Variants in MEP1A observed in about 807,000 individuals in gnomAD.
MEP1A encodes the protein meprin A subunit alpha, also known as N-benzoyl-L-tyrosyl-P-amino-benzoic acid hydrolase subunit alpha.
In MEP1A, 68 loss-of-function variants were observed where a neutral mutation model predicts 84.5. That is an observed-to-expected ratio of 0.80 (90% CI 0.66 to 0.98). The LOEUF (loss-of-function observed/expected upper bound fraction) is 0.98, where lower values mean the gene tolerates loss of function less well. Among genes scored for constraint, MEP1A ranks in the 50% least tolerant of loss-of-function variants. The probability of loss-of-function intolerance (pLI) is 0.00; values close to 1 mark genes in which losing one functional copy is unlikely to be tolerated. For synonymous variants in MEP1A, 337 were observed against 336.8 expected (o/e 1.00, Z -0.01); for missense variants, 887 against 919.9 (o/e 0.96, Z 0.46).
intron 3 of MEP1A, among the ~76,000 whole-genome samples, chr6:46,796,124 C>T (rs115446068): frequency 0.028 from 4,268 of 152,256 alleles, 143 homozygotes; most frequent in African/African-American, 0.072. Flanking sequence ...CCAGCAGCAT[C>T]GGCATCACCA....
chr6:46,801,476 T>C (rs1562104137), intron 5 of MEP1A, among the ~76,000 whole-genome samples: 1 of 152,126 alleles, frequency 6.6e-6, no homozygotes, highest in Non-Finnish European at 1.5e-5. Flanking sequence ...TGTTTGTCTT[T>C]TTATTATTTG....
chr6:46,794,126 G>T (rs1311102133), intron 3 of MEP1A, among the ~76,000 whole-genome samples: 1 of 152,074 alleles, frequency 6.6e-6, no homozygotes, highest in Admixed American at 6.5e-5. Flanking sequence ...ACAACTCCTC[G>T]GTTGAGACTT....
chr6:46,794,281 A>G (rs1423540181), intron 3 of MEP1A, among the ~76,000 whole-genome samples: 1 of 152,360 alleles, frequency 6.6e-6, no homozygotes, highest in East Asian at 1.9e-4. Flanking sequence ...TGCTTCTGAA[A>G]TGAGAGAGAA....
At chr6:46,819,882 G>C (rs1360837332) in intron 7 of MEP1A, among the ~76,000 whole-genome samples, 178 bp downstream of exon 7, 1 of 152,138 alleles carries the variant, frequency 6.6e-6, no homozygotes, top group South Asian at 2.1e-4. Flanking sequence ...GGAATTCATC[G>C]CAGATAAGGG....
chr6:46,828,563 T>G (rs1003089599), intron 9 of MEP1A, among the ~76,000 whole-genome samples: 2 of 152,170 alleles, frequency 1.3e-5, no homozygotes, highest in African/African-American at 2.4e-5. Flanking sequence ...TGGAGTTGAG[T>G]GTTGGAACAC....
At chr6:46,825,724 A>G (rs943216816) in intron 8 of MEP1A, among the ~76,000 whole-genome samples, 3 of 152,200 alleles carry the variant, frequency 2.0e-5, no homozygotes, top group African/African-American at 7.2e-5. Context: ...ACAAAAAACA[A>G]ACAAAACTAT....
intron 6 of MEP1A, among the ~76,000 whole-genome samples, chr6:46,816,838 A>G (rs1378391927): frequency 6.6e-6 from 1 of 152,118 alleles, no homozygotes; most frequent in Non-Finnish European, 1.5e-5. Context: ...GGCAACCTGT[A>G]TGACTCAGCA....
chr6:46,826,226 A>G (rs772873004), intron 8 of MEP1A, 128 bp from the exon 9 acceptor site: 23 of 822,448 alleles, frequency 2.8e-5, no homozygotes, highest in Non-Finnish European at 4.1e-5. Context: ...TGCATTTGAG[A>G]AAAAGTCAAG....
At position 46,799,146 on chromosome 6, in the gene MEP1A, C is replaced by A. The variant is rs138172966; in HGVS notation, c.227C>A (p.Thr76Lys). ...NGLRDPNTRW[T>K]FPIPYILADN... ...CTGAGAGACCCAAACACCAGGTGGA[C>A]GTTCCCCATTCCTTACATCTTGGCT... Residue 76 changes from threonine to lysine, a missense_variant, in exon 5 of 14, where the codon ACG becomes AAG. Thr to Lys is a moderately conservative substitution (Grantham distance 78, BLOSUM62 -1). Coordinates refer to ENST00000230588, the MANE Select transcript of MEP1A (RefSeq NM_005588.3). The A allele has an allele frequency of 1.5e-4, 250 of 1,612,938 alleles. 2 individuals carry two copies. In the African/African-American group the frequency reaches 2.5e-3, roughly 16 times the overall value.
intron 3 of MEP1A, among the ~76,000 whole-genome samples, chr6:46,796,656 C>G (rs1453540345): frequency 6.6e-6 from 1 of 152,128 alleles, no homozygotes; most frequent in Non-Finnish European, 1.5e-5. Flanking sequence ...ACTACATGAA[C>G]AAATTGGGTA....
intron 3 of MEP1A, 106 bp from the exon 4 acceptor site, chr6:46,798,500 T>C: frequency 1.0e-6 from 1 of 974,774 alleles, no homozygotes; most frequent in Non-Finnish European, 1.6e-6. Flanking sequence ...CACATAAAGA[T>C]TAATATTCAA....
intron 5 of MEP1A, among the ~76,000 whole-genome samples, chr6:46,807,643 AAGGAG>A (rs1767374957): frequency 6.8e-6 from 1 of 146,458 alleles, no homozygotes; most frequent in Non-Finnish European, 1.5e-5. Flanking sequence ...GAAAGGGAGA[AAGGAG>A]AGGAGGAGGA....
chr6:46,799,702 C>T (rs944919222), intron 5 of MEP1A, among the ~76,000 whole-genome samples: 5 of 152,144 alleles, frequency 3.3e-5, no homozygotes, highest in Non-Finnish European at 5.9e-5. Flanking sequence ...ACATTTTACT[C>T]ATTGTTAGAA....
At chr6:46,807,119 T>A (rs1483773784) in intron 5 of MEP1A, among the ~76,000 whole-genome samples, 1 of 151,968 alleles carries the variant, frequency 6.6e-6, no homozygotes, top group East Asian at 1.9e-4. Flanking sequence ...CTTCTTATGC[T>A]TATCTTCTAA....
intron 13 of MEP1A, among the ~76,000 whole-genome samples, chr6:46,836,910 A>T (rs943978363): frequency 6.6e-6 from 1 of 151,978 alleles, no homozygotes; most frequent in Admixed American, 6.6e-5. Context: ...GAACAGGTAC[A>T]TGATGCCTAT....
intron 6 of MEP1A, 23 bp downstream of exon 6, chr6:46,809,560 T>G (rs199815737): frequency 8.9e-6 from 13 of 1,458,286 alleles, no homozygotes; most frequent in Middle Eastern, 1.7e-4. Flanking sequence ...TTTTACGGAG[T>G]GAAAATCATG....
At chr6:46,820,195 A>G (rs531712765) in intron 7 of MEP1A, among the ~76,000 whole-genome samples, 4 of 152,220 alleles carry the variant, frequency 2.6e-5, no homozygotes, top group African/African-American at 4.8e-5. Context: ...AAATGCTTTT[A>G]TCTGAAATAA....
chr6:46,826,886 C>A (rs190286087), intron 9 of MEP1A, among the ~76,000 whole-genome samples: 2 of 152,074 alleles, frequency 1.3e-5, no homozygotes, highest in Non-Finnish European at 2.9e-5. Context: ...ACTTTTAATA[C>A]CTCATGAAAA....
chr6:46,840,112 T>C (rs921735466), downstream of MEP1A, among the ~76,000 whole-genome samples: 2 of 152,124 alleles, frequency 1.3e-5, no homozygotes, highest in African/African-American at 4.8e-5. Flanking sequence ...ATGAAAAGAT[T>C]TTAAGGATTC....
Sources: allele counts gnomAD v4.1 joint callset (sites outside exome capture counted in the v4.1 genomes callset), GRCh38; gene constraint gnomAD v4.1.1; transcripts MANE v1.5; gene names NCBI Gene and HGNC (gene_info 2026-07-23, HGNC 2026-07-21).